MTAP: variants seen among roughly 807,000 people sequenced by gnomAD.
MTAP encodes S-methyl-5'-thioadenosine phosphorylase.
A neutral mutation model predicts 33.6 loss-of-function variants in MTAP; 33 were observed. The observed-to-expected ratio is 0.98, with a 90% CI of 0.74 to 1.31. MTAP has a LOEUF of 1.31. Ranked by LOEUF, MTAP falls within the 40% of genes most tolerant of loss-of-function variation. The probability of loss-of-function intolerance (pLI) is 0.00; values close to 1 mark genes in which losing one functional copy is unlikely to be tolerated. For synonymous variants in MTAP, 148 were observed against 125.7 expected (o/e 1.18, Z -1.19); for missense variants, 367 against 360.0 (o/e 1.02, Z -0.16).
intron 5 of MTAP, among the ~76,000 whole-genome samples, chr9:21,838,552 C>T (rs902102729): frequency 1.3e-5 from 2 of 152,192 alleles, no homozygotes; most frequent in African/African-American, 4.8e-5. Flanking sequence ...AATTAAATTA[C>T]TATTATTGAT....
At chr9:21,807,159 G>A (rs1024762762) in intron 1 of MTAP, among the ~76,000 whole-genome samples, 4 of 152,186 alleles carry the variant, frequency 2.6e-5, no homozygotes. Flanking sequence ...GTAAGATCCT[G>A]TCTCAAAATA....
At chr9:21,883,899 T>C (rs1818059348) in intron 1 of MTAP, among the ~76,000 whole-genome samples, 1 of 152,078 alleles carries the variant, frequency 6.6e-6, no homozygotes, top group Non-Finnish European at 1.5e-5. Context: ...GTTGTGAGCC[T>C]CTGTGCCACA....
downstream of MTAP, chr9:21,931,400 T>C: frequency 2.1e-6 from 1 of 479,458 alleles, no homozygotes; most frequent in Non-Finnish European, 3.7e-6. Context: ...GAGCATCAGA[T>C]GATCATCAGG....
At chr9:21,899,733 C>T (rs1234811531) in intron 1 of MTAP, among the ~76,000 whole-genome samples, 1 of 152,088 alleles carries the variant, frequency 6.6e-6, no homozygotes, top group African/African-American at 2.4e-5. Flanking sequence ...CCACCTGGTC[C>T]CGCCCTTGAC....
intron 4 of MTAP, among the ~76,000 whole-genome samples, chr9:21,819,053 G>C (rs571508623): frequency 1.3e-5 from 2 of 151,662 alleles, no homozygotes; most frequent in African/African-American, 2.4e-5. Context: ...TAATGTCCAG[G>C]TTCACCCATG....
chr9:21,869,133 C>G (rs1290614849), downstream of MTAP, among the ~76,000 whole-genome samples: 1 of 152,170 alleles, frequency 6.6e-6, no homozygotes, highest in Non-Finnish European at 1.5e-5. Context: ...CATTAAAATT[C>G]TTGACCCCAA....
intron 1 of MTAP, among the ~76,000 whole-genome samples, chr9:21,928,118 C>T (rs761683861): frequency 1.3e-5 from 2 of 152,136 alleles, no homozygotes; most frequent in Non-Finnish European, 2.9e-5. Context: ...ATAGATTGGG[C>T]CATCCAGCAT....
chr9:21,913,328 C>G (rs1015040287), intron 1 of MTAP, among the ~76,000 whole-genome samples: 1 of 152,210 alleles, frequency 6.6e-6, no homozygotes, highest in African/African-American at 2.4e-5. Flanking sequence ...CAAGTCAATC[C>G]TAAGCCAAAA....
chr9:21,821,548 T>G (rs1288685066), intron 4 of MTAP, among the ~76,000 whole-genome samples: 2 of 152,086 alleles, frequency 1.3e-5, no homozygotes, highest in African/African-American at 4.8e-5. Context: ...TGAGGATTTT[T>G]GCATCGATGT....
intron 1 of MTAP, among the ~76,000 whole-genome samples, chr9:21,929,187 A>C (rs1818914594): frequency 6.6e-6 from 1 of 152,154 alleles, no homozygotes; most frequent in South Asian, 2.1e-4. Flanking sequence ...AAGGCCATGC[A>C]ACACCAGAGC....
At chr9:21,819,578 G>A (rs894031330) in intron 4 of MTAP, among the ~76,000 whole-genome samples, 1 of 152,132 alleles carries the variant, frequency 6.6e-6, no homozygotes, top group Non-Finnish European at 1.5e-5. Flanking sequence ...CTTTGCTATT[G>A]TGAATAGTGC....
At chr9:21,809,151 A>C (rs1229029158) in intron 1 of MTAP, among the ~76,000 whole-genome samples, 1 of 151,978 alleles carries the variant, frequency 6.6e-6, no homozygotes, top group Non-Finnish European at 1.5e-5. Flanking sequence ...TTTCTTCCTC[A>C]TTTGACCTTC....
At position 21,925,102 on chromosome 9, in the gene MTAP, C is replaced by G. The variant is rs576785692; in HGVS notation, c.148-5906C>G. ...CAGCCCCAATTGGGATTACAATACC[C>G]ATGGGGGCATATGGGCAAAGAATTG... On this transcript the variant is annotated intron_variant, in intron 1 of 1. Transcript: ENST00000577563. Among the ~76,000 whole-genome samples the G allele has an allele frequency of 1.5e-4, 23 of 152,308 alleles. 1 individual carries two copies. The South Asian group carries it at 4.8e-3, about 32-fold the overall frequency.
chr9:21,899,862 C>A (rs913485162), intron 1 of MTAP, among the ~76,000 whole-genome samples: 3 of 152,038 alleles, frequency 2.0e-5, no homozygotes, highest in African/African-American at 7.2e-5. Flanking sequence ...GTAGAGAACC[C>A]AGAAATAAAG....
At chr9:21,874,897 A>G (rs1825984140) in intron 1 of MTAP, among the ~76,000 whole-genome samples, 1 of 151,788 alleles carries the variant, frequency 6.6e-6, no homozygotes, top group South Asian at 2.1e-4. Flanking sequence ...CCCTGTGTCC[A>G]TGTGTTCTTA....
chr9:21,858,202 A>C (rs549256199), intron 6 of MTAP, among the ~76,000 whole-genome samples: 46 of 152,302 alleles, frequency 3.0e-4, no homozygotes, highest in African/African-American at 1.0e-3. Context: ...GTGTAGCAAC[A>C]GTTTTAACAT....
chr9:21,900,494 A>C (rs751589048), intron 1 of MTAP, among the ~76,000 whole-genome samples: 1 of 152,220 alleles, frequency 6.6e-6, no homozygotes, highest in African/African-American at 2.4e-5. Context: ...CAGAATGGCT[A>C]CTATTAAAAA....
At chr9:21,861,095 C>G (rs903243976) in intron 7 of MTAP, 1 of 152,132 alleles carries the variant, frequency 6.6e-6, no homozygotes. Context: ...CAACTAACCC[C>G]ACTTTGACCA....
chr9:21,896,069 C>A (rs1018954810), intron 1 of MTAP, among the ~76,000 whole-genome samples: 3 of 152,200 alleles, frequency 2.0e-5, no homozygotes, highest in African/African-American at 7.2e-5. Flanking sequence ...GTCTCTCAGA[C>A]CACAGTGCAA....
Sources: gnomAD v4.1 joint callset for allele counts (sites outside exome capture counted in the v4.1 genomes callset) on GRCh38, gnomAD v4.1.1 for gene constraint, MANE v1.5 for transcripts, NCBI Gene and HGNC (gene_info 2026-07-23, HGNC 2026-07-21) for gene names.